Variants in CHST15 observed in about 807,000 individuals in gnomAD.
CHST15 encodes the protein carbohydrate sulfotransferase 15.
Under a neutral mutation model 53.6 loss-of-function variants are expected in CHST15, and 30 were observed. That is an observed-to-expected ratio of 0.56 (90% CI 0.42 to 0.76). The LOEUF (loss-of-function observed/expected upper bound fraction) is 0.76, where lower values mean the gene tolerates loss of function less well. Ranked by LOEUF, CHST15 falls within the 30% of genes least tolerant of loss-of-function variation. The pLI is 0.00. For synonymous variants in CHST15, 296 were observed against 289.8 expected, an observed-to-expected ratio of 1.02 and a Z score of -0.22; for missense variants, 627 against 740.5, an observed-to-expected ratio of 0.85 and a Z score of 1.78.
chr10:124,010,776 A>G, intron 7 of CHST15: 1 of 985,406 alleles, frequency 1.0e-6, no homozygotes, highest in Non-Finnish European at 1.2e-6. Context: ...TTTCTACTTC[A>G]GGCTGCTCAT....
At chr10:124,030,537 A>G (rs1947186966) in intron 5 of CHST15, among the ~76,000 whole-genome samples, 1 of 152,204 alleles carries the variant, frequency 6.6e-6, no homozygotes, top group Non-Finnish European at 1.5e-5. Flanking sequence ...TGCAACCTCT[A>G]CATCCCCACG....
At chr10:124,045,112 C>CAA (rs758243657) in intron 2 of CHST15, among the ~76,000 whole-genome samples, 193 bp from the exon 3 acceptor site, 593 of 33,704 alleles carry the variant, frequency 0.018, 32 homozygotes, top group Non-Finnish European at 0.024. Context: ...CGCCGCCCCA[C>CAA]AAAAAAAAAA....
chr10:124,057,773 G>A (rs1318498008), intron 1 of CHST15, among the ~76,000 whole-genome samples: 1 of 152,182 alleles, frequency 6.6e-6, no homozygotes, highest in South Asian at 2.1e-4. Context: ...GCAGGAGGGA[G>A]AATGGGGTCT....
At chr10:124,087,736 G>T (rs937083126) in intron 1 of CHST15, among the ~76,000 whole-genome samples, 1 of 139,674 alleles carries the variant, frequency 7.2e-6, no homozygotes, top group Non-Finnish European at 1.6e-5. Context: ...GCCCCCTCTG[G>T]GCTCTTTTAA....
At chr10:124,014,510 G>A (rs796900008) in intron 6 of CHST15, among the ~76,000 whole-genome samples, 7 of 152,296 alleles carry the variant, frequency 4.6e-5, no homozygotes, top group East Asian at 1.9e-4. Flanking sequence ...AAGCTGGGCC[G>A]AAACTAAAGA....
intron 5 of CHST15, among the ~76,000 whole-genome samples, chr10:124,022,632 C>T (rs1946829380): frequency 1.3e-5 from 2 of 151,972 alleles, no homozygotes; most frequent in African/African-American, 2.4e-5. Context: ...TAACTGACCA[C>T]CCTTCTTATC....
chr10:124,033,301 G>C (rs1473243782), intron 5 of CHST15, among the ~76,000 whole-genome samples: 3 of 152,246 alleles, frequency 2.0e-5, no homozygotes. Context: ...TGCTATGTCA[G>C]TAACTTACAC....
intron 1 of CHST15, among the ~76,000 whole-genome samples, chr10:124,077,737 G>A (rs1215141653): frequency 2.0e-5 from 3 of 152,152 alleles, no homozygotes; most frequent in Admixed American, 1.3e-4. Context: ...CTCGCATCTC[G>A]TTCCGGTGGC....
chr10:124,056,897 G>A lies in CHST15; in HGVS notation c.-512-10173C>T, dbSNP rs568738282. Among the ~76,000 whole-genome samples, 14 of 150,420 alleles carry A rather than the reference G, an allele frequency of 9.3e-5. 1 individual carries two copies. The East Asian group carries it at 1.2e-3, about 13-fold the overall frequency. On this transcript the variant is annotated intron_variant, in intron 1 of 7. Transcript: ENST00000435907. ...GACACTCTGCGGCCCAGGCCTGTACGACCGGACACATTGCAGCCTGGGCCC... is the reference window on the plus strand; with the variant it reads ...GACACTCTGCGGCCCAGGCCTGTACAACCGGACACATTGCAGCCTGGGCCC...
At chr10:124,014,669 A>AG in intron 6 of CHST15, among the ~76,000 whole-genome samples, 1 of 152,088 alleles carries the variant, frequency 6.6e-6, no homozygotes, top group Non-Finnish European at 1.5e-5. Flanking sequence ...CGTCCCTCGT[A>AG]GGGGAGACCA....
At position 124,021,332 on chromosome 10, in the gene CHST15, T is replaced by A. The variant is rs771634024; in HGVS notation, c.1271A>T (p.Gln424Leu). The stretch of plus-strand genomic sequence containing the variant: ...ATCAAGCATGCAATTTTCAAACAGC[T>A]GCAGTGCTTCTGTCACTTTCTCATG... ...DFHEKVTEALQLFENCMLDYS... is the reference protein window; with the variant it reads ...DFHEKVTEALLLFENCMLDYS... Residue 424 changes from glutamine to leucine, a missense_variant, in exon 6 of 8, where the codon CAG becomes CTG. Around this residue, in one of 3 missense-constraint regions of CHST15, gnomAD observed 279 missense variants for 371.6 expected, o/e 0.75. Transcript: ENST00000435907. The A allele has an allele frequency of 2.6e-5, 42 of 1,613,860 alleles. No homozygotes were observed. Among genetic ancestry groups the A allele is most frequent in the Non-Finnish European group, 3.5e-5 (41 of 1,180,000 alleles).
At position 124,065,928 on chromosome 10, in the gene CHST15, A is replaced by G. The variant is rs376021462; in HGVS notation, c.-512-19204T>C. On this transcript the variant is annotated intron_variant, in intron 1 of 7. Coordinates refer to ENST00000435907, the MANE Select transcript of CHST15 (RefSeq NM_001270764.2). ...AGGACAAAAAAGAAGGGGGAAAAAA[A>G]TCCCTCCTCCCTTTTGGATCATTTG... is the stretch of plus-strand genomic sequence containing the variant. 3.3e-5 allele frequency among the ~76,000 whole-genome samples: 5 copies of G among 152,282 alleles called. No homozygotes were observed. In the South Asian group the frequency reaches 8.3e-4, roughly 25 times the overall value.
intron 5 of CHST15, 146 bp from the exon 6 acceptor site, chr10:124,021,558 C>T: frequency 1.4e-6 from 2 of 1,395,028 alleles, no homozygotes; most frequent in Non-Finnish European, 1.9e-6. Context: ...TGCAGATGAG[C>T]CACCTCCCTC....
At chr10:124,052,634 G>A (rs557747959) in intron 1 of CHST15, among the ~76,000 whole-genome samples, 1 of 152,206 alleles carries the variant, frequency 6.6e-6, no homozygotes, top group African/African-American at 2.4e-5. Flanking sequence ...GATATTAAAC[G>A]TCTCTTCTCC....
chr10:124,010,977 G>A (rs1016811825), intron 7 of CHST15: 1 of 985,216 alleles, frequency 1.0e-6, no homozygotes, highest in Non-Finnish European at 1.2e-6. Context: ...CCGCCCTCTG[G>A]AGTGAGGCGA....
At chr10:124,018,995 G>A (rs887444329) in intron 6 of CHST15, among the ~76,000 whole-genome samples, 7 of 152,244 alleles carry the variant, frequency 4.6e-5, no homozygotes, top group Admixed American at 4.6e-4. Context: ...TGCCAACCTC[G>A]GCATTTGACC....
chr10:124,029,336 G>T (rs757150742), intron 5 of CHST15, among the ~76,000 whole-genome samples: 2 of 152,224 alleles, frequency 1.3e-5, no homozygotes, highest in Non-Finnish European at 2.9e-5. Context: ...GAACACAGGG[G>T]TGACACTGGT....
chr10:124,073,400 TTGCATGGGTGCTGAGAGGTGGTTAA>T (rs1948980731), intron 1 of CHST15, among the ~76,000 whole-genome samples: 2 of 152,184 alleles, frequency 1.3e-5, no homozygotes, highest in Admixed American at 1.3e-4. Context: ...GCAATTTCCC[TTGCATGGGTGCTGAGAGGTGGTTAA>T]TGACCAGAAC....
At chr10:124,062,699 T>C (rs554324773) in intron 1 of CHST15, among the ~76,000 whole-genome samples, 1 of 152,200 alleles carries the variant, frequency 6.6e-6, no homozygotes, top group African/African-American at 2.4e-5. Flanking sequence ...GACTTTGGCC[T>C]GGTGTATAAA....
Sources: gnomAD v4.1 joint callset for allele counts (sites outside exome capture counted in the v4.1 genomes callset) on GRCh38, gnomAD v4.1.1 for gene constraint, gnomAD v4.1.1 regional missense constraint, MANE v1.5 for transcripts, NCBI Gene and HGNC (gene_info 2026-07-23, HGNC 2026-07-21) for gene names.